Variants in SYNDIG1 observed in about 807,000 individuals in gnomAD.
SYNDIG1 encodes synapse differentiation inducing 1.
A neutral mutation model predicts 19.4 loss-of-function variants in SYNDIG1; 9 were observed. The observed-to-expected ratio is 0.46, with a 90% CI of 0.28 to 0.81. SYNDIG1 has a LOEUF of 0.81. Among genes scored for constraint, SYNDIG1 ranks in the 30% least tolerant of loss-of-function variants. The probability of loss-of-function intolerance (pLI) is 0.12; values close to 1 mark genes in which losing one functional copy is unlikely to be tolerated. For synonymous variants in SYNDIG1, 141 were observed against 145.9 expected (o/e 0.97, Z 0.24); for missense variants, 311 against 343.3 (o/e 0.91, Z 0.74).
intron 2 of SYNDIG1, among the ~76,000 whole-genome samples, chr20:24,546,353 A>C (rs61687961): frequency 0.028 from 4,333 of 152,180 alleles, 181 homozygotes; most frequent in African/African-American, 0.099. Context: ...CCCAAAACAC[A>C]GTGCCTTAAC....
chr20:24,536,713 G>A (rs1162898110), intron 1 of SYNDIG1, among the ~76,000 whole-genome samples: 2 of 152,160 alleles, frequency 1.3e-5, no homozygotes, highest in Non-Finnish European at 2.9e-5. Flanking sequence ...CCTACTGCCA[G>A]CATGGTCTCA....
At chr20:24,519,305 G>A (rs73901851) in intron 1 of SYNDIG1, among the ~76,000 whole-genome samples, 1,947 of 152,264 alleles carry the variant, frequency 0.013, 43 homozygotes, top group African/African-American at 0.044. Flanking sequence ...CTTCCATATT[G>A]AAGAAGCACT....
intron 1 of SYNDIG1, among the ~76,000 whole-genome samples, chr20:24,484,662 C>A (rs1299384205): frequency 6.6e-6 from 1 of 152,126 alleles, no homozygotes; most frequent in Non-Finnish European, 1.5e-5. Context: ...GATGATCTGA[C>A]ACAGATACTA....
chr20:24,617,169 G>T (rs973061785), intron 3 of SYNDIG1, among the ~76,000 whole-genome samples: 1 of 152,168 alleles, frequency 6.6e-6, no homozygotes, highest in Non-Finnish European at 1.5e-5. Context: ...TGTCCCCAGG[G>T]TTCTCCTGCA....
At chr20:24,501,144 A>G (rs2056444568) in intron 1 of SYNDIG1, among the ~76,000 whole-genome samples, 1 of 152,238 alleles carries the variant, frequency 6.6e-6, no homozygotes, top group African/African-American at 2.4e-5. Context: ...ACCTATGTAG[A>G]CAGCATATTT....
At chr20:24,642,779 G>A (rs1036175760) in intron 3 of SYNDIG1, among the ~76,000 whole-genome samples, 8 of 151,902 alleles carry the variant, frequency 5.3e-5, no homozygotes, top group Non-Finnish European at 7.4e-5. Context: ...TCCTGTCCAC[G>A]TCCCAGAATC....
At chr20:24,595,244 C>T (rs2058577952) in intron 3 of SYNDIG1, among the ~76,000 whole-genome samples, 1 of 152,070 alleles carries the variant, frequency 6.6e-6, no homozygotes, top group Non-Finnish European at 1.5e-5. Context: ...TTATCAAAAG[C>T]CTTTTCTGCA....
chr20:24,524,010 C>T (rs967144054), intron 1 of SYNDIG1, among the ~76,000 whole-genome samples: 1 of 152,348 alleles, frequency 6.6e-6, no homozygotes, highest in Non-Finnish European at 1.5e-5. Context: ...TGGAGTAAAT[C>T]TCTAAGTTAC....
intron 1 of SYNDIG1, among the ~76,000 whole-genome samples, chr20:24,487,075 G>GT (rs2055988051): frequency 6.6e-6 from 1 of 151,880 alleles, no homozygotes; most frequent in Non-Finnish European, 1.5e-5. Context: ...TGGATGTGGG[G>GT]TGGGGGGTAT....
chr20:24,636,471 G>A (rs2147322895), intron 3 of SYNDIG1, among the ~76,000 whole-genome samples: 1 of 152,340 alleles, frequency 6.6e-6, no homozygotes, highest in East Asian at 1.9e-4. Flanking sequence ...AGGAGGCAGT[G>A]TCTGATTTAC....
rs1048745149 is a variant in SYNDIG1 at position 24,613,664 on chromosome 20, G to A, written c.618+28671G>A. Among the ~76,000 whole-genome samples, 4 of 152,262 alleles carry A rather than the reference G, an allele frequency of 2.6e-5. No individual in the cohort carries two copies. The South Asian group carries it at 8.3e-4, about 32-fold the overall frequency. ...CAGGAACCCCTGCTCAGCCCACACAGAGCCAGCTCCTGCGGCATCTCCCAG... is the reference window on the plus strand; with the variant it reads ...CAGGAACCCCTGCTCAGCCCACACAAAGCCAGCTCCTGCGGCATCTCCCAG... On this transcript the variant is annotated intron_variant, in intron 3 of 3. Transcript: ENST00000376862.
chr20:24,507,654 G>A (rs183421305), intron 1 of SYNDIG1, among the ~76,000 whole-genome samples: 47 of 152,344 alleles, frequency 3.1e-4, no homozygotes, highest in African/African-American at 6.3e-4. Context: ...CTGAAGGTCT[G>A]TGGGTGTGGG....
In SYNDIG1 at chr20:24,512,840, C is replaced by T. The variant is rs182433615; in HGVS notation, c.-78-30180C>T. On this transcript the variant is annotated intron_variant, in intron 1 of 3. Transcript: ENST00000376862. The stretch of plus-strand genomic sequence containing the variant: ...GACAGACTGCCTCCTCAAGTGGGCC[C>T]CTGACCCCCGAGTAGCCTAACTGGG... Among the ~76,000 whole-genome samples the T allele has an allele frequency of 5.9e-5, 9 of 152,304 alleles. No individual in the cohort carries two copies. The East Asian group carries it at 1.5e-3, about 26-fold the overall frequency.
intron 1 of SYNDIG1, among the ~76,000 whole-genome samples, chr20:24,511,281 C>T (rs1217842924): frequency 6.6e-6 from 1 of 152,184 alleles, no homozygotes; most frequent in Non-Finnish European, 1.5e-5. Context: ...AGGTACCCCT[C>T]GGAATCACTG....
chr20:24,635,793 G>C (rs901154587), intron 3 of SYNDIG1, among the ~76,000 whole-genome samples: 1 of 151,982 alleles, frequency 6.6e-6, no homozygotes, highest in African/African-American at 2.4e-5. Flanking sequence ...TAACCACCTC[G>C]ACTGCCCTTC....
At chr20:24,555,016 T>C (rs1485740694) in intron 2 of SYNDIG1, among the ~76,000 whole-genome samples, 1 of 152,256 alleles carries the variant, frequency 6.6e-6, no homozygotes, top group Non-Finnish European at 1.5e-5. Flanking sequence ...TTCAGCTTCT[T>C]CCTGGTTTAG....
At chr20:24,631,326 A>G (rs2059239714) in intron 3 of SYNDIG1, among the ~76,000 whole-genome samples, 2 of 152,190 alleles carry the variant, frequency 1.3e-5, no homozygotes, top group African/African-American at 2.4e-5. Context: ...GGGCATTGCC[A>G]TGCGTCAGGG....
chr20:24,512,019 C>CAGCATCCA (rs2056752966), intron 1 of SYNDIG1, among the ~76,000 whole-genome samples: 2 of 150,114 alleles, frequency 1.3e-5, no homozygotes, highest in Admixed American at 1.3e-4. Context: ...TGGACCCTAA[C>CAGCATCCA]AGCATCCAGT....
intron 1 of SYNDIG1, among the ~76,000 whole-genome samples, chr20:24,527,437 C>A (rs1368027245): frequency 3.9e-5 from 6 of 152,030 alleles, no homozygotes; most frequent in Non-Finnish European, 8.8e-5. Flanking sequence ...AACAATTGTT[C>A]TATACTTTCT....
Sources: gnomAD v4.1 joint callset for allele counts (sites outside exome capture counted in the v4.1 genomes callset) on GRCh38, gnomAD v4.1.1 for gene constraint, MANE v1.5 for transcripts, NCBI Gene and HGNC (gene_info 2026-07-23, HGNC 2026-07-21) for gene names.